Variants in TBC1D14 observed in about 807,000 individuals in gnomAD.
TBC1D14 encodes TBC1 domain family member 14.
A neutral mutation model predicts 79.0 loss-of-function variants in TBC1D14; 26 were observed. The ratio of observed to expected loss-of-function variants is 0.33; its 90% confidence interval spans 0.24 to 0.46. TBC1D14 has a LOEUF of 0.46. Ranked by LOEUF, TBC1D14 falls within the 20% of genes least tolerant of loss-of-function variation. The probability of loss-of-function intolerance (pLI) is 1.00; values close to 1 mark genes in which losing one functional copy is unlikely to be tolerated. For synonymous variants in TBC1D14, 394 were observed against 349.9 expected (o/e 1.13, Z -1.40); for missense variants, 769 against 887.6 (o/e 0.87, Z 1.70).
intron 2 of TBC1D14, among the ~76,000 whole-genome samples, chr4:6,927,664 G>A (rs1490362364): frequency 1.3e-5 from 2 of 152,098 alleles, no homozygotes; most frequent in Non-Finnish European, 2.9e-5. Context: ...TGTTGTGGGC[G>A]GCTGTCCTGT....
intron 2 of TBC1D14, among the ~76,000 whole-genome samples, chr4:6,943,493 T>C (rs993220688): frequency 6.6e-6 from 1 of 152,230 alleles, no homozygotes; most frequent in Non-Finnish European, 1.5e-5. Context: ...GGCTGCTGCC[T>C]GCATCTCTGG....
intron 3 of TBC1D14, among the ~76,000 whole-genome samples, chr4:6,982,264 T>C (rs1717444863): frequency 6.6e-6 from 1 of 152,214 alleles, no homozygotes; most frequent in African/African-American, 2.4e-5. Flanking sequence ...GTACATTCCA[T>C]ACAACGAAAT....
chr4:6,976,507 A>G (rs1470366113), intron 3 of TBC1D14, among the ~76,000 whole-genome samples: 1 of 152,242 alleles, frequency 6.6e-6, no homozygotes, highest in Non-Finnish European at 1.5e-5. Flanking sequence ...GGCCAGAAAA[A>G]GTAAAACGAT....
chr4:6,938,797 G>A (rs1188012012), intron 2 of TBC1D14, among the ~76,000 whole-genome samples: 1 of 152,234 alleles, frequency 6.6e-6, no homozygotes, highest in African/African-American at 2.4e-5. Context: ...GAGCATGTCT[G>A]TCACCACAGC....
intron 2 of TBC1D14, among the ~76,000 whole-genome samples, chr4:6,925,940 G>C (rs9990827): frequency 0.93 from 141,213 of 152,220 alleles, 66,473 homozygotes; most frequent in East Asian, 1. Flanking sequence ...TTTCAGAAAT[G>C]TGGGAAACCT....
rs536886808 is a variant in TBC1D14, at chr4:6,999,155, C to T, written c.1116C>T (p.Asn372=). 2.7e-5 allele frequency: 43 copies of T among 1,614,148 alleles called. No homozygotes were observed. The East Asian group carries it at 4.5e-4, about 17-fold the overall frequency. The change falls in exon 6 of 14, where the codon AAC becomes AAT. Residue 372 remains asparagine (N), a synonymous_variant. Coordinates refer to ENST00000409757, the MANE Select transcript of TBC1D14 (RefSeq NM_020773.3). ...GCAGAGTCGAGGAAAGCATTGGAAA[C>T]GCTGTGCTCACCTGGAATAATGAGA... ...ERCRVEESIG[N]AVLTWNNEIL...
Sources: gnomAD v4.1 joint callset for allele counts (sites outside exome capture counted in the v4.1 genomes callset) on GRCh38, gnomAD v4.1.1 for gene constraint, MANE v1.5 for transcripts, NCBI Gene and HGNC (gene_info 2026-07-23, HGNC 2026-07-21) for gene names.